SRGAP1: variants seen among roughly 807,000 people sequenced by gnomAD.
SRGAP1 encodes the protein SLIT-ROBO Rho GTPase activating protein 1.
A neutral mutation model predicts 121.9 loss-of-function variants in SRGAP1; 43 were observed. That is an observed-to-expected ratio of 0.35 (90% CI 0.28 to 0.46). The LOEUF is 0.46. Ranked by LOEUF, SRGAP1 falls within the 20% of genes least tolerant of loss-of-function variation. SRGAP1 has a pLI of 1.00. For missense variants in SRGAP1, 1,102 were observed against 1,350.9 expected (o/e 0.82, Z 2.89); for synonymous variants, 447 against 485.4 (o/e 0.92, Z 1.04).
chr12:63,944,729 A>G (rs1016619710), intron 1 of SRGAP1, among the ~76,000 whole-genome samples: 1 of 152,212 alleles, frequency 6.6e-6, no homozygotes, highest in Non-Finnish European at 1.5e-5. Context: ...TTGATAGTGC[A>G]GAGAAGAAAT....
chr12:64,091,765 T>C, intron 12 of SRGAP1: 2 of 704,946 alleles, frequency 2.8e-6, no homozygotes, highest in African/African-American at 1.8e-5. Context: ...AGCAGGAGTT[T>C]TGATTTCCCA....
intron 6 of SRGAP1, among the ~76,000 whole-genome samples, chr12:64,060,201 T>C (rs1040147682): frequency 4.9e-5 from 7 of 143,416 alleles, no homozygotes; most frequent in Non-Finnish European, 1.0e-4. Flanking sequence ...TTCTTTCTTT[T>C]TTTCTTTTTT....
intron 1 of SRGAP1, among the ~76,000 whole-genome samples, chr12:63,885,878 A>G (rs1008895439): frequency 3.3e-5 from 5 of 152,196 alleles, no homozygotes; most frequent in African/African-American, 7.2e-5. Context: ...ACAGAGACCA[A>G]CTTTCACTTT....
chr12:63,992,774 C>T (rs1472175236), intron 3 of SRGAP1, among the ~76,000 whole-genome samples: 1 of 151,870 alleles, frequency 6.6e-6, no homozygotes, highest in Non-Finnish European at 1.5e-5. Context: ...TGCTTGCTAC[C>T]AGGAGTTCTC....
intron 1 of SRGAP1, among the ~76,000 whole-genome samples, chr12:63,853,254 C>G (rs1899134317): frequency 6.6e-6 from 1 of 152,092 alleles, no homozygotes; most frequent in African/African-American, 2.4e-5. Context: ...CTCCTGACAT[C>G]AGGTGATCCA....
intron 4 of SRGAP1, among the ~76,000 whole-genome samples, chr12:64,040,369 C>T (rs1046050317): frequency 6.6e-6 from 1 of 152,110 alleles, no homozygotes; most frequent in Admixed American, 6.6e-5. Context: ...CTCTGAGTAA[C>T]GTGGTTATTT....
At chr12:64,115,754 C>T (rs1200071480) in intron 17 of SRGAP1, 60 bp from the exon 18 acceptor site, 1 of 1,392,644 alleles carries the variant, frequency 7.2e-7, no homozygotes, top group Non-Finnish European at 1.0e-6. Flanking sequence ...GTGCAAGAAC[C>T]TGTCTCAAAA....
At chr12:64,040,250 C>T (rs2034987356) in intron 4 of SRGAP1, among the ~76,000 whole-genome samples, 2 of 152,042 alleles carry the variant, frequency 1.3e-5, no homozygotes, top group African/African-American at 4.8e-5. Flanking sequence ...GTGATGCTTC[C>T]AGGTCTCAAA....
intron 4 of SRGAP1, among the ~76,000 whole-genome samples, chr12:64,019,354 C>G (rs191103484): frequency 2.6e-4 from 40 of 152,244 alleles, no homozygotes; most frequent in African/African-American, 9.1e-4. Context: ...TACCAAAGGC[C>G]ACCAGGGTTG....
In SRGAP1 at chr12:64,150,350, G is replaced by T. The variant is rs2037104599; in HGVS notation, c.*7678G>T. Reference sequence around the variant, plus strand: ...TCACACCCAACAGCTGTCTATCAGGGGTGCTTCCGAGGGTCACTGGGTTTC... The same window carrying T: ...TCACACCCAACAGCTGTCTATCAGGTGTGCTTCCGAGGGTCACTGGGTTTC... On this transcript the variant is annotated 3_prime_UTR_variant, in exon 22 of 22. Coordinates refer to ENST00000355086, the MANE Select transcript of SRGAP1 (RefSeq NM_020762.4). 1 of 152,138 alleles carries T rather than the reference G, an allele frequency of 6.6e-6. No individual in the cohort carries two copies. Among genetic ancestry groups the T allele is most frequent in the African/African-American group, 2.4e-5 (1 of 41,430 alleles). 9.4% of individuals were successfully genotyped at this position (152,138 alleles called of 1,614,324 possible). A position where few individuals can be genotyped will look rare whatever the true frequency, so the allele number is the denominator to read the frequency against.
chr12:63,904,511 C>T (rs1208314675), intron 1 of SRGAP1, among the ~76,000 whole-genome samples: 1 of 152,218 alleles, frequency 6.6e-6, no homozygotes, highest in Non-Finnish European at 1.5e-5. Flanking sequence ...TTCTCTCCAG[C>T]TGTATGTGGC....
intron 6 of SRGAP1, among the ~76,000 whole-genome samples, chr12:64,056,309 C>G (rs1180547568): frequency 2.0e-5 from 3 of 152,074 alleles, no homozygotes; most frequent in Non-Finnish European, 4.4e-5. Flanking sequence ...AAAATCCATT[C>G]TCTTCCCAAG....
At chr12:63,882,075 G>C (rs985203138) in intron 1 of SRGAP1, among the ~76,000 whole-genome samples, 1 of 152,180 alleles carries the variant, frequency 6.6e-6, no homozygotes, top group African/African-American at 2.4e-5. Context: ...TTAGGTTGGT[G>C]CAAAGTTATT....
intron 1 of SRGAP1, among the ~76,000 whole-genome samples, chr12:63,895,131 C>T (rs867740255): frequency 6.6e-6 from 1 of 152,204 alleles, no homozygotes. Context: ...ACATCCTCTC[C>T]AGCACCTGTT....
intron 1 of SRGAP1, among the ~76,000 whole-genome samples, chr12:63,928,244 C>A (rs2031334085): frequency 6.6e-6 from 1 of 152,132 alleles, no homozygotes; most frequent in Non-Finnish European, 1.5e-5. Context: ...AATGGTACAA[C>A]TATTTTGGAA....
At chr12:64,107,361 G>A (rs893189546) in intron 15 of SRGAP1, among the ~76,000 whole-genome samples, 5 of 152,134 alleles carry the variant, frequency 3.3e-5, no homozygotes, top group African/African-American at 4.8e-5. Context: ...GTGAATCCAA[G>A]TCAAGGTTGA....
At chr12:64,025,951 G>T (rs1464011453) in intron 4 of SRGAP1, among the ~76,000 whole-genome samples, 1 of 152,138 alleles carries the variant, frequency 6.6e-6, no homozygotes, top group African/African-American at 2.4e-5. Flanking sequence ...TTTATATGTA[G>T]ACATCTTTGA....
intron 1 of SRGAP1, among the ~76,000 whole-genome samples, chr12:63,980,577 T>G (rs937657918): frequency 3.3e-5 from 5 of 151,726 alleles, no homozygotes; most frequent in Admixed American, 3.3e-4. Context: ...AAAGATTTTC[T>G]CTTCCTAACG....
At chr12:63,901,957 G>A (rs2029952148) in intron 1 of SRGAP1, among the ~76,000 whole-genome samples, 1 of 152,146 alleles carries the variant, frequency 6.6e-6, no homozygotes, top group Admixed American at 6.5e-5. Flanking sequence ...CAGCTCACTG[G>A]ACTTGGCTTG....
Sources: gnomAD v4.1 joint callset for allele counts (sites outside exome capture counted in the v4.1 genomes callset) on GRCh38, gnomAD v4.1.1 for gene constraint, MANE v1.5 for transcripts, NCBI Gene and HGNC (gene_info 2026-07-23, HGNC 2026-07-21) for gene names.